The following P3H2 variants were observed in gnomAD, a reference collection of about 807,000 sequenced individuals.
The protein encoded by P3H2 is leprecan-like 1.
A neutral mutation model predicts 87.0 loss-of-function variants in P3H2; 80 were observed. The ratio of observed to expected loss-of-function variants is 0.92; its 90% confidence interval spans 0.77 to 1.11. P3H2 has a LOEUF of 1.11. P3H2 is among the 50% of genes least tolerant of loss of function. P3H2 has a pLI of 0.00. For synonymous variants in P3H2, 367 were observed against 359.3 expected (o/e 1.02, Z -0.24); for missense variants, 1,001 against 923.9 (o/e 1.08, Z -1.08).
At chr3:190,000,386 C>A (rs1724173214) in intron 1 of P3H2, among the ~76,000 whole-genome samples, 1 of 152,180 alleles carries the variant, frequency 6.6e-6, no homozygotes, top group Non-Finnish European at 1.5e-5. Flanking sequence ...AAACAGAATA[C>A]CTACGTGGTC....
intron 1 of P3H2, among the ~76,000 whole-genome samples, chr3:190,053,648 G>A (rs549666724): frequency 6.6e-6 from 1 of 152,116 alleles, no homozygotes; most frequent in South Asian, 2.1e-4. Flanking sequence ...AGTAGAGACA[G>A]GGTTTCACCA....
chr3:190,040,203 C>T (rs1388805587), intron 1 of P3H2, among the ~76,000 whole-genome samples: 1 of 152,196 alleles, frequency 6.6e-6, no homozygotes, highest in Non-Finnish European at 1.5e-5. Flanking sequence ...AGAACAACTG[C>T]ACATTTGGCT....
At chr3:190,080,652 TC>T (rs1178658154) in intron 1 of P3H2, among the ~76,000 whole-genome samples, 1 of 152,160 alleles carries the variant, frequency 6.6e-6, no homozygotes, top group African/African-American at 2.4e-5. Flanking sequence ...TCCTCCTGCC[TC>T]GGCCTCCCAA....
intron 10 of P3H2, among the ~76,000 whole-genome samples, chr3:189,973,499 C>CTT (rs750495361): frequency 7.2e-5 from 3 of 41,450 alleles, no homozygotes; most frequent in African/African-American, 2.0e-4. Context: ...TTTTTTCTTT[C>CTT]TTTCTTTCTT....
At chr3:189,969,424 G>A (rs553488719) in intron 13 of P3H2, 300 of 815,964 alleles carry the variant, frequency 3.7e-4, no homozygotes, top group Non-Finnish European at 5.7e-4. Context: ...AACGTCTCTC[G>A]TTTGGGGGCT....
chr3:189,963,996 C>T lies in P3H2; in HGVS notation c.1996G>A (p.Ala666Thr), dbSNP rs377236809. Reference protein sequence around the residue: ...AVTKGKRCAVALWFTLDPLYR... With the variant: ...AVTKGKRCAVTLWFTLDPLYR... ...AGTGGGTCCAAGGTGAACCACAGAGCCACAGCACACCTCTTTCCCTTGGTG... is the reference window on the plus strand; with the variant it reads ...AGTGGGTCCAAGGTGAACCACAGAGTCACAGCACACCTCTTTCCCTTGGTG... Residue 666 changes from alanine (A) to threonine (T), a missense_variant, in exon 14 of 15, where the codon GCT becomes ACT. Ala to Thr is a moderately conservative substitution (Grantham distance 58). Coordinates refer to ENST00000319332, the MANE Select transcript of P3H2 (RefSeq NM_018192.4). The T allele has an allele frequency of 2.0e-5, 33 of 1,614,006 alleles. No individual in the cohort carries two copies. Among genetic ancestry groups the T allele is most frequent in the Non-Finnish European group, 2.4e-5 (28 of 1,180,004 alleles).
chr3:190,087,567 T>C (rs868149778), intron 1 of P3H2, among the ~76,000 whole-genome samples: 212 of 139,802 alleles, frequency 1.5e-3, no homozygotes, highest in African/African-American at 5.2e-3. Flanking sequence ...AAAAAAACCA[T>C]CAAGAAAAGG....
chr3:189,968,042 A>C (rs1378867704), intron 13 of P3H2, among the ~76,000 whole-genome samples: 1 of 152,212 alleles, frequency 6.6e-6, no homozygotes, highest in Non-Finnish European at 1.5e-5. Context: ...ACATGTCCCA[A>C]CTACTTAGAT....
intron 1 of P3H2, among the ~76,000 whole-genome samples, chr3:190,065,132 A>T (rs1726456324): frequency 6.6e-6 from 1 of 152,206 alleles, no homozygotes; most frequent in Non-Finnish European, 1.5e-5. Context: ...AGGCAATGAC[A>T]GCATTTCAGA....
chr3:190,112,582 G>T (rs1207412235), intron 1 of P3H2, among the ~76,000 whole-genome samples: 1 of 149,696 alleles, frequency 6.7e-6, no homozygotes, highest in Non-Finnish European at 1.5e-5. Flanking sequence ...TACTTTCATT[G>T]TGTAGACTAC....
chr3:189,982,955 A>G (rs2108915775), intron 8 of P3H2, 91 bp downstream of exon 8: 1 of 916,260 alleles, frequency 1.1e-6, no homozygotes, highest in Admixed American at 1.7e-5. Flanking sequence ...TTTCTAGAGA[A>G]AGTGGGTTCT....
chr3:190,087,543 C>CAAAA (rs1275653964), intron 1 of P3H2, among the ~76,000 whole-genome samples: 2 of 68,912 alleles, frequency 2.9e-5, no homozygotes, highest in African/African-American at 5.5e-5. Context: ...GACTACATCT[C>CAAAA]AAAAAAAAAA....
chr3:190,035,602 A>G (rs1203316736), intron 1 of P3H2, among the ~76,000 whole-genome samples: 1 of 152,142 alleles, frequency 6.6e-6, no homozygotes, highest in Non-Finnish European at 1.5e-5. Flanking sequence ...TCTGTCACCC[A>G]TTAATAATCT....
rs1723972815 is a variant in P3H2 at position 189,994,275 on chromosome 3, G to A, written c.642C>T (p.Tyr214=). The change falls in exon 3 of 15, where the codon TAC becomes TAT. Residue 214 remains tyrosine, a synonymous_variant. Coordinates refer to ENST00000319332, the MANE Select transcript of P3H2 (RefSeq NM_018192.4). The part of the protein sequence containing the change: ...DREAKPHMES[Y]NAGVKHYEAD... The stretch of plus-strand genomic sequence containing the variant: ...CCTCATAATGTTTAACTCCTGCATT[G>A]TAACTCTCCTGTAATGAAACAGACG... 6.2e-7 allele frequency: 1 copy of A among 1,609,126 alleles called. No homozygotes were observed. Among genetic ancestry groups the A allele is most frequent in the Admixed American group, 1.7e-5 (1 of 59,884 alleles).
intron 1 of P3H2, among the ~76,000 whole-genome samples, chr3:190,117,687 G>A (rs1216502521): frequency 2.3e-5 from 3 of 129,320 alleles, no homozygotes; most frequent in South Asian, 2.9e-4. Flanking sequence ...GTGTGTGTGC[G>A]TATTCATAAG....
chr3:189,994,777 A>G (rs1479517778), intron 2 of P3H2, among the ~76,000 whole-genome samples: 5 of 151,862 alleles, frequency 3.3e-5, no homozygotes, highest in Non-Finnish European at 7.4e-5. Context: ...AAGGCTTTCA[A>G]CATGTGATTT....
At position 190,120,576 on chromosome 3, in the gene P3H2, C is replaced by T; in HGVS notation, c.156G>A (p.Ala52=). The change falls in exon 1 of 15, where the codon GCG becomes GCA. Residue 52 remains alanine (A), a synonymous_variant. Coordinates refer to ENST00000319332, the MANE Select transcript of P3H2 (RefSeq NM_018192.4). ...QPFDLLYASG[A]AAYYSGDYER... is the part of the protein sequence containing the mutation. Reference sequence around the variant, plus strand: ...CGTAGTCTCCGCTGTAGTAGGCGGCCGCGCCGCTGGCGTAGAGCAGGTCGA... The same window carrying T: ...CGTAGTCTCCGCTGTAGTAGGCGGCTGCGCCGCTGGCGTAGAGCAGGTCGA... The T allele has an allele frequency of 1.3e-6, 2 of 1,540,930 alleles. No homozygotes were observed. Among genetic ancestry groups the T allele is most frequent in the Non-Finnish European group, 1.7e-6 (2 of 1,153,692 alleles).
chr3:189,971,790 A>T, intron 12 of P3H2, 100 bp downstream of exon 12: 1 of 781,004 alleles, frequency 1.3e-6, no homozygotes, highest in Non-Finnish European at 2.3e-6. Context: ...TGCCTTGGAG[A>T]TATGAACACG....
intron 1 of P3H2, among the ~76,000 whole-genome samples, chr3:190,104,572 T>C (rs1320431815): frequency 2.6e-5 from 4 of 152,212 alleles, no homozygotes; most frequent in African/African-American, 9.7e-5. Context: ...GATTGGCCTC[T>C]GGACAGTACA....
Sources: gnomAD v4.1 joint callset for allele counts (sites outside exome capture counted in the v4.1 genomes callset) on GRCh38, gnomAD v4.1.1 for gene constraint, MANE v1.5 for transcripts, NCBI Gene and HGNC (gene_info 2026-07-23, HGNC 2026-07-21) for gene names.